The following ANKS1A variants were observed in gnomAD, a reference collection of about 807,000 sequenced individuals.
The protein encoded by ANKS1A is ankyrin repeat and sterile alpha motif domain containing 1A.
Under a neutral mutation model 120.3 loss-of-function variants are expected in ANKS1A, and 55 were observed. That is an observed-to-expected ratio of 0.46 (90% confidence interval 0.37 to 0.57). The LOEUF is 0.57. Among genes scored for constraint, ANKS1A ranks in the 20% least tolerant of loss-of-function variants. The pLI is 0.00. For missense variants in ANKS1A, 1,123 were observed against 1,480.3 expected (o/e 0.76, Z 3.96); for synonymous variants, 590 against 604.7 (o/e 0.98, Z 0.36).
intron 13 of ANKS1A, among the ~76,000 whole-genome samples, chr6:35,067,337 A>G (rs1265508120): frequency 6.6e-6 from 1 of 152,120 alleles, no homozygotes; most frequent in Non-Finnish European, 1.5e-5. Flanking sequence ...CATGGCCATT[A>G]TAGCCCCAGC....
downstream of ANKS1A, among the ~76,000 whole-genome samples, chr6:35,094,233 A>G (rs1401372097): frequency 6.6e-6 from 1 of 152,238 alleles, no homozygotes; most frequent in Non-Finnish European, 1.5e-5. Flanking sequence ...TATCATACCA[A>G]TATCCAGAAA....
intron 10 of ANKS1A, among the ~76,000 whole-genome samples, chr6:35,006,798 A>G (rs1290473859): frequency 6.6e-6 from 1 of 152,064 alleles, no homozygotes; most frequent in African/African-American, 2.4e-5. Flanking sequence ...CATGTACCCT[A>G]CTATGTACCC....
At chr6:35,078,781 C>G in intron 14 of ANKS1A, 125 bp downstream of exon 14, 1 of 837,948 alleles carries the variant, frequency 1.2e-6, no homozygotes, top group Non-Finnish European at 1.9e-6. Context: ...AGGACCTCTA[C>G]CCCTCACCCT....
In ANKS1A at chr6:34,889,388, G is replaced by A. The variant is rs576829336; in HGVS notation, c.-15G>A. On this transcript the variant is annotated 5_prime_UTR_variant, in exon 1 of 24. The change creates a new upstream start codon in the 5' untranslated region. Transcript: ENST00000360359. The surrounding 1 kb of genome is among the most constrained non-coding windows in gnomAD (Gnocchi z 5.5). Reference sequence around the variant, plus strand: ...CAGCCTCGGGGAGGGGGTCCAGCGGGTGGCGGCCCTGGGGATGGGGAAGGA... The same window carrying A: ...CAGCCTCGGGGAGGGGGTCCAGCGGATGGCGGCCCTGGGGATGGGGAAGGA... The A allele has an allele frequency of 2.4e-6, 3 of 1,260,430 alleles. No homozygotes were observed. The highest frequency in any genetic ancestry group is 3.0e-6 in the Non-Finnish European group (3 of 1,005,380). The allele number at this position is 1,260,430 out of a possible 1,614,324, so 78.1% of individuals were successfully genotyped here.
chr6:35,086,129 G>A lies in ANKS1A; in HGVS notation c.3303+193G>A, dbSNP rs568478954. The A allele has an allele frequency of 3.3e-4, 383 of 1,153,942 alleles. 2 individuals are homozygous for A. In the African/African-American group the frequency reaches 5.4e-3, roughly 16 times the overall value. 71.5% of individuals were successfully genotyped at this position (1,153,942 alleles called of 1,614,324 possible). Reference sequence around the variant, plus strand: ...GGCAGCAGCTCCTCTGGCCTGGGCGGGCCTCTCATGCTCCTGTTTCCCTCC... The same window carrying A: ...GGCAGCAGCTCCTCTGGCCTGGGCGAGCCTCTCATGCTCCTGTTTCCCTCC... On this transcript the variant is annotated intron_variant, in intron 22 of 23. Transcript: ENST00000360359. This position sits in a 1 kb window ranked among gnomAD's most constrained non-coding sequence, Gnocchi z 5.1.
At chr6:35,008,880 C>T (rs1459421965) in intron 10 of ANKS1A, among the ~76,000 whole-genome samples, 2 of 152,048 alleles carry the variant, frequency 1.3e-5, no homozygotes, top group Non-Finnish European at 2.9e-5. Flanking sequence ...TAGAGTTATA[C>T]CTGATAGGCA....
At chr6:34,932,631 C>T (rs907973708) in intron 1 of ANKS1A, among the ~76,000 whole-genome samples, 7 of 152,326 alleles carry the variant, frequency 4.6e-5, no homozygotes, top group South Asian at 2.1e-4. Context: ...GTGATCTATC[C>T]GTCTCAACCT....
chr6:35,038,079 G>A (rs780632819), intron 11 of ANKS1A, among the ~76,000 whole-genome samples: 11 of 152,150 alleles, frequency 7.2e-5, no homozygotes, highest in Admixed American at 1.3e-4. Flanking sequence ...CTGGGCACTG[G>A]TAAGAGTAGT....
intron 1 of ANKS1A, among the ~76,000 whole-genome samples, chr6:34,932,766 ATGT>A (rs1309507909): frequency 6.6e-6 from 1 of 152,184 alleles, no homozygotes; most frequent in Admixed American, 6.5e-5. Context: ...ATGGAAATTT[ATGT>A]TGTTTCCATA....
At chr6:35,012,793 C>T (rs1773829440) in intron 10 of ANKS1A, among the ~76,000 whole-genome samples, 1 of 152,104 alleles carries the variant, frequency 6.6e-6, no homozygotes, top group African/African-American at 2.4e-5. Context: ...GCTGGTGTGC[C>T]ATATTGAGTA....
chr6:34,907,383 G>A (rs1767695725), intron 1 of ANKS1A, among the ~76,000 whole-genome samples: 1 of 152,192 alleles, frequency 6.6e-6, no homozygotes, highest in Admixed American at 6.5e-5. Context: ...GTATTGGTTC[G>A]AGGACCCCCA....
At chr6:35,029,630 G>A (rs963661521) in intron 11 of ANKS1A, among the ~76,000 whole-genome samples, 38 of 151,616 alleles carry the variant, frequency 2.5e-4, no homozygotes, top group African/African-American at 6.8e-4. Flanking sequence ...GATTACAGGC[G>A]TGAGCCACGG....
At chr6:35,045,811 G>C (rs1352971949) in intron 11 of ANKS1A, among the ~76,000 whole-genome samples, 1 of 152,204 alleles carries the variant, frequency 6.6e-6, no homozygotes, top group African/African-American at 2.4e-5. Flanking sequence ...CTAGTGCCTA[G>C]TGCAGTGAGG....
downstream of ANKS1A, among the ~76,000 whole-genome samples, chr6:35,094,332 G>A (rs995540607): frequency 6.6e-6 from 1 of 151,890 alleles, no homozygotes; most frequent in African/African-American, 2.4e-5. Context: ...CCAGCTACTC[G>A]GAAGCCTGAG....
rs186221100 is a variant in ANKS1A at position 35,042,557 on chromosome 6, G to A, written c.2011-11542G>A. The stretch of plus-strand genomic sequence containing the variant: ...AGGCGTGTCCATGTGTCTAAAGACC[G>A]GGAGCCATCCTCGGACCTTATGTAT... On this transcript the variant is annotated intron_variant, in intron 11 of 23. Coordinates refer to ENST00000360359, the MANE Select transcript of ANKS1A (RefSeq NM_015245.3). Among the ~76,000 whole-genome samples the A allele has an allele frequency of 3.1e-3, 477 of 152,304 alleles. 1 individual carries two copies. Among genetic ancestry groups the A allele is most frequent in the African/African-American group, 8.0e-3 (333 of 41,556 alleles).
chr6:35,091,604 G>A (rs1049360482), downstream of ANKS1A, among the ~76,000 whole-genome samples: 3 of 152,186 alleles, frequency 2.0e-5, no homozygotes, highest in Non-Finnish European at 4.4e-5. Flanking sequence ...GCTGTGAGGC[G>A]CAAGGGCCCC....
Position 34,932,744 on chromosome 6 carries a change from A to G in ANKS1A, c.198-34495A>G, listed in dbSNP as rs531954862. 4.9e-4 allele frequency among the ~76,000 whole-genome samples: 75 copies of G among 152,322 alleles called. No homozygotes were observed. The Middle Eastern group carries it at 0.01, about 21-fold the overall frequency. On this transcript the variant is annotated intron_variant, in intron 1 of 23. Transcript: ENST00000360359. ...GTATGAGTATACCATATGTTCATCC[A>G]TTCATCAGTTAATGGAAATTTATGT...
chr6:34,889,646 C>A lies in ANKS1A; in HGVS notation c.197+47C>A, dbSNP rs1336528892. The A allele has an allele frequency of 7.9e-7, 1 of 1,262,294 alleles. No individual in the cohort carries two copies. Among genetic ancestry groups the A allele is most frequent in the East Asian group, 3.1e-5 (1 of 31,884 alleles). 78.2% of individuals were successfully genotyped at this position (1,262,294 alleles called of 1,614,324 possible). On this transcript the variant is annotated intron_variant, in intron 1 of 23. Transcript: ENST00000360359. The surrounding 1 kb of genome is among the most constrained non-coding windows in gnomAD (Gnocchi z 5.5). ...GCCGCTGCCTGCAGACCCTTTCTCC[C>A]CCACCCGTCTCTTGGGTCCCCAGAG...
intron 14 of ANKS1A, 57 bp from the exon 15 acceptor site, chr6:35,079,459 G>T: frequency 6.2e-7 from 1 of 1,600,650 alleles, no homozygotes; most frequent in Admixed American, 1.7e-5. Context: ...CATGGTCCTC[G>T]GGTCCCTCTC....
Sources: allele counts gnomAD v4.1 joint callset (sites outside exome capture counted in the v4.1 genomes callset), GRCh38; gene constraint gnomAD v4.1.1; non-coding constraint Gnocchi (gnomAD v3.1); transcripts MANE v1.5; gene names NCBI Gene and HGNC (gene_info 2026-07-23, HGNC 2026-07-21).